Variants in DNAH6 observed in about 807,000 individuals in gnomAD.
DNAH6 encodes the protein axonemal beta dynein heavy chain 6.
DNAH6 carries 340 observed loss-of-function variants against 491.4 expected under a neutral mutation model. The observed-to-expected ratio is 0.69, with a 90% CI of 0.63 to 0.76. The LOEUF (loss-of-function observed/expected upper bound fraction) is 0.76, where lower values mean the gene tolerates loss of function less well. Among genes scored for constraint, DNAH6 ranks in the 30% least tolerant of loss-of-function variants. The pLI, the probability that DNAH6 is intolerant of heterozygous loss-of-function variation, is 0.00. For synonymous variants in DNAH6, 1,603 were observed against 1,686.1 expected, an observed-to-expected ratio of 0.95 and a Z score of 1.21; for missense variants, 4,443 against 4,972.2, an observed-to-expected ratio of 0.89 and a Z score of 3.20.
intron 20 of DNAH6, among the ~76,000 whole-genome samples, chr2:84,606,342 A>G (rs539468242): frequency 2.6e-5 from 4 of 152,292 alleles, no homozygotes; most frequent in African/African-American, 9.6e-5. Flanking sequence ...GTTTAGGCCA[A>G]TTGATGTCAT....
intron 64 of DNAH6, among the ~76,000 whole-genome samples, chr2:84,768,866 T>A (rs551949543): frequency 1.3e-5 from 2 of 152,278 alleles, no homozygotes; most frequent in African/African-American, 4.8e-5. Flanking sequence ...GGACCAAGAA[T>A]AACCAAGCCA....
At chr2:84,470,807 C>T in the DNAH6 span, among the ~76,000 whole-genome samples, 12 of 151,980 alleles carry the variant, frequency 7.9e-5, no homozygotes, top group Non-Finnish European at 1.3e-4. Flanking sequence ...CGACGAAGTC[C>T]GGTGGAGTCA....
At chr2:84,697,913 G>A (rs754516730) in intron 47 of DNAH6, 186 bp downstream of exon 47, 50 of 631,340 alleles carry the variant, frequency 7.9e-5, no homozygotes, top group Non-Finnish European at 1.2e-4. Context: ...CTTCCAGAAA[G>A]TTCTGTGGGA....
intron 64 of DNAH6, 106 bp downstream of exon 64, chr2:84,763,051 G>C (rs1351632552): frequency 2.5e-6 from 2 of 797,228 alleles, no homozygotes; most frequent in Non-Finnish European, 4.1e-6. Context: ...CTTACATTCA[G>C]GTATCACTTA....
chr2:84,647,838 T>C (rs1690043646), intron 33 of DNAH6, among the ~76,000 whole-genome samples: 1 of 152,258 alleles, frequency 6.6e-6, no homozygotes, highest in Admixed American at 6.5e-5. Flanking sequence ...TAGTGGTATT[T>C]CTGCTTACAA....
Position 84,653,885 on chromosome 2 carries a change from A to C in DNAH6, c.5634+11A>C, listed in dbSNP as rs1690696349. ...CACATGCTTTTTGAGGTAAGTGTAC[A>C]CATTACTGTGGAGTGAAATCATTCA... is the stretch of plus-strand genomic sequence containing the variant. On this transcript the variant is annotated intron_variant, in intron 34 of 76. Transcript: ENST00000389394. The C allele has an allele frequency of 1.3e-6, 2 of 1,531,682 alleles. No individual in the cohort carries two copies. 94.9% of individuals were successfully genotyped at this position (1,531,682 alleles called of 1,614,324 possible).
the DNAH6 span, among the ~76,000 whole-genome samples, chr2:84,498,955 G>A: frequency 6.6e-6 from 1 of 151,998 alleles, no homozygotes; most frequent in Non-Finnish European, 1.5e-5. Flanking sequence ...TATTTATGGG[G>A]TACATGAGAT....
intron 30 of DNAH6, 147 bp downstream of exon 30, chr2:84,634,788 C>G: frequency 1.0e-6 from 1 of 953,002 alleles, no homozygotes; most frequent in East Asian, 3.1e-5. Context: ...CCAGAGCTCA[C>G]TGGACTAGAA....
chr2:84,534,697 C>T (rs1157412568), intron 4 of DNAH6, among the ~76,000 whole-genome samples: 1 of 151,982 alleles, frequency 6.6e-6, no homozygotes, highest in Non-Finnish European at 1.5e-5. Flanking sequence ...CTTCTTTCCT[C>T]TTTTCCTCTT....
chr2:84,784,335 C>T, intron 65 of DNAH6, among the ~76,000 whole-genome samples: 1 of 152,122 alleles, frequency 6.6e-6, no homozygotes, highest in Admixed American at 6.5e-5. Flanking sequence ...TTTCATGCAA[C>T]TTGTGTTAAA....
intron 62 of DNAH6, among the ~76,000 whole-genome samples, chr2:84,741,166 G>C (rs1672493483): frequency 6.6e-6 from 1 of 152,080 alleles, no homozygotes; most frequent in Non-Finnish European, 1.5e-5. Context: ...ATATAGGAGA[G>C]CCTTGGTCCC....
intron 11 of DNAH6, among the ~76,000 whole-genome samples, chr2:84,570,023 A>G (rs140998399): frequency 0.015 from 2,219 of 152,258 alleles, 37 homozygotes; most frequent in Middle Eastern, 0.092. Flanking sequence ...AATACCAATG[A>G]GCACATCTAG....
the DNAH6 span, among the ~76,000 whole-genome samples, chr2:84,462,746 C>A: frequency 6.6e-6 from 1 of 152,174 alleles, no homozygotes; most frequent in Non-Finnish European, 1.5e-5. Flanking sequence ...CTTGAGGAAA[C>A]CTGAATTTGG....
the DNAH6 span, among the ~76,000 whole-genome samples, chr2:84,503,131 T>TTGTG: frequency 6.6e-6 from 1 of 151,574 alleles, no homozygotes; most frequent in South Asian, 2.1e-4. Context: ...TTACTTAGTT[T>TTGTG]TGTGTGTGTG....
At chr2:84,812,676 A>G in intron 73 of DNAH6, 150 bp downstream of exon 73, 1 of 726,650 alleles carries the variant, frequency 1.4e-6, no homozygotes, top group South Asian at 1.9e-5. Context: ...ATCACTTTAA[A>G]AGTCTTATAC....
chr2:84,500,695 C>G, the DNAH6 span, among the ~76,000 whole-genome samples: 2 of 152,162 alleles, frequency 1.3e-5, no homozygotes, highest in Admixed American at 1.3e-4. Context: ...TTGGTGTCCT[C>G]TTCAACTTCT....
chr2:84,787,190 T>C lies in DNAH6; in HGVS notation c.11127T>C (p.Gly3709=), dbSNP rs542638198. ...IQERKKFGPL[G]WNICYEFNDS... ...AGAGAAAGAAGTTTGGCCCCCTTGG[T>C]TGGAATATCTGCTATGAATTTAATG... Residue 3709 remains glycine, a synonymous_variant, in exon 68 of 77, where the codon GGT becomes GGC. Coordinates refer to ENST00000389394, the MANE Select transcript of DNAH6 (RefSeq NM_001370.2). The C allele has an allele frequency of 6.5e-7, 1 of 1,530,980 alleles. No individual in the cohort carries two copies. Among genetic ancestry groups the C allele is most frequent in the South Asian group, 1.2e-5 (1 of 80,232 alleles). The allele number at this position is 1,530,980 out of a possible 1,614,324, so 94.8% of individuals were successfully genotyped here. A position where few individuals can be genotyped will look rare whatever the true frequency, so the allele number is the denominator to read the frequency against.
rs2105317823 is a variant in DNAH6 at position 84,805,770 on chromosome 2, GC to G, written c.11588del (p.Ala3863ValfsTer29). Reference sequence around the variant, plus strand: ...TGACGAAATTGTTCAAGAACTTGTTGCTTCTGTCCAGACCAGAGTTCCAGGT... The same window carrying G: ...TGACGAAATTGTTCAAGAACTTGTTGTTCTGTCCAGACCAGAGTTCCAGGT... ...SNDEIVQELV[A>X]SVQTRVPEKL... On this transcript the variant is annotated frameshift_variant, in exon 71 of 77. Coordinates refer to ENST00000389394, the MANE Select transcript of DNAH6 (RefSeq NM_001370.2). LOFTEE classifies it high-confidence loss of function. 6.4e-7 allele frequency: 1 copy of G among 1,551,286 alleles called. No individual in the cohort carries two copies. Among genetic ancestry groups the G allele is most frequent in the East Asian group, 2.4e-5 (1 of 40,916 alleles).
intron 37 of DNAH6, among the ~76,000 whole-genome samples, chr2:84,663,860 A>T (rs751551817): frequency 6.6e-6 from 1 of 152,210 alleles, no homozygotes; most frequent in Non-Finnish European, 1.5e-5. Flanking sequence ...AGGTCGGGTT[A>T]CCCACAAAGG....
Sources: allele counts gnomAD v4.1 joint callset (sites outside exome capture counted in the v4.1 genomes callset), GRCh38; gene constraint gnomAD v4.1.1; transcripts MANE v1.5; gene names NCBI Gene and HGNC (gene_info 2026-07-23, HGNC 2026-07-21).